CDH13: variants seen among roughly 807,000 people sequenced by gnomAD.
CDH13 encodes the protein cadherin-13.
A neutral mutation model predicts 63.8 loss-of-function variants in CDH13; 24 were observed. That is an observed-to-expected ratio of 0.38 (90% CI 0.27 to 0.53). CDH13 has a LOEUF of 0.53. CDH13 is among the 20% of genes least tolerant of loss of function. The pLI is 0.85. For synonymous variants in CDH13, 503 were observed against 355.3 expected, an observed-to-expected ratio of 1.42 and a Z score of -4.67; for missense variants, 1,049 against 903.1, an observed-to-expected ratio of 1.16 and a Z score of -2.07.
At chr16:82,810,165 G>T (rs2037370229) in intron 1 of CDH13, among the ~76,000 whole-genome samples, 1 of 152,212 alleles carries the variant, frequency 6.6e-6, no homozygotes, top group Non-Finnish European at 1.5e-5. Context: ...TTCTAAATGA[G>T]ATGTTATCCA....
At chr16:83,671,293 G>A (rs532607085) in intron 9 of CDH13, among the ~76,000 whole-genome samples, 2 of 152,260 alleles carry the variant, frequency 1.3e-5, no homozygotes, top group East Asian at 3.9e-4. Context: ...CTGTCACCTA[G>A]GCTGGGGTGC....
intron 8 of CDH13, among the ~76,000 whole-genome samples, chr16:83,623,343 T>C (rs1909985968): frequency 6.6e-6 from 1 of 152,152 alleles, no homozygotes; most frequent in Non-Finnish European, 1.5e-5. Context: ...TTGGGCCCTT[T>C]CAGCGCCTTG....
chr16:82,876,032 C>G lies in CDH13; in HGVS notation c.157+17559C>G, dbSNP rs115519519. Among the ~76,000 whole-genome samples, 923 of 152,326 alleles carry G rather than the reference C, an allele frequency of 6.1e-3. 6 individuals are homozygous for G. Among genetic ancestry groups the G allele is most frequent in the African/African-American group, 0.017 (721 of 41,570 alleles). On this transcript the variant is annotated intron_variant, in intron 2 of 13. Coordinates refer to ENST00000567109, the MANE Select transcript of CDH13 (RefSeq NM_001257.5). ...AGAGAATTTGTGCAGGGGAACTCCT[C>G]TTTTTAAAATCATCAGCTCTCATGA...
intron 7 of CDH13, among the ~76,000 whole-genome samples, chr16:83,489,639 C>T (rs1330608654): frequency 6.6e-6 from 1 of 152,150 alleles, no homozygotes; most frequent in Admixed American, 6.5e-5. Context: ...GCAATGTTTT[C>T]CTCCCATTGA....
intron 10 of CDH13, among the ~76,000 whole-genome samples, chr16:83,743,965 G>C (rs1434170707): frequency 6.6e-6 from 1 of 151,762 alleles, no homozygotes; most frequent in African/African-American, 2.4e-5. Context: ...CTACATTCCA[G>C]CTCTGTCTCT....
rs545461798 is a variant in CDH13 at position 83,796,383 on chromosome 16, A to G, written c.*1353A>G. 2 of 152,338 alleles carry G rather than the reference A, an allele frequency of 1.3e-5. No homozygotes were observed. Among genetic ancestry groups the G allele is most frequent in the East Asian group, 3.9e-4 (2 of 5,192 alleles). The allele number at this position is 152,338 out of a possible 1,614,324, so 9.4% of individuals were successfully genotyped here. ...TACTAAAGGTTTTAACCGCACATGC[A>G]CACACACACGCTTTCTTATGCAATC... On this transcript the variant is annotated 3_prime_UTR_variant, in exon 14 of 14. Transcript: ENST00000567109.
At position 82,950,013 on chromosome 16, in the gene CDH13, G is replaced by A. The variant is rs545321221; in HGVS notation, c.158-81997G>A. 3.3e-5 allele frequency among the ~76,000 whole-genome samples: 5 copies of A among 152,210 alleles called. No individual in the cohort carries two copies. The South Asian group carries it at 1.0e-3, about 32-fold the overall frequency. On this transcript the variant is annotated intron_variant, in intron 2 of 13. Coordinates refer to ENST00000567109, the MANE Select transcript of CDH13 (RefSeq NM_001257.5). ...TTAGTATCAAGCAGGTAAGAAAAGG[G>A]AAGAAAGAAGATTGTTGAGGTGTGT... is the stretch of plus-strand genomic sequence containing the variant.
chr16:83,442,221 A>G (rs1216513264), intron 6 of CDH13, among the ~76,000 whole-genome samples: 1 of 152,200 alleles, frequency 6.6e-6, no homozygotes, highest in Non-Finnish European at 1.5e-5. Context: ...CCTGGGCCTC[A>G]GTTACCTCAT....
intron 3 of CDH13, among the ~76,000 whole-genome samples, chr16:83,053,987 C>T (rs1351658804): frequency 6.6e-6 from 1 of 152,150 alleles, no homozygotes; most frequent in Admixed American, 6.5e-5. Flanking sequence ...CATATTTTTA[C>T]TGTACTTTTT....
intron 2 of CDH13, among the ~76,000 whole-genome samples, chr16:82,909,241 A>T (rs1299966896): frequency 7.5e-6 from 1 of 133,042 alleles, no homozygotes; most frequent in Non-Finnish European, 1.6e-5. Context: ...GAAACTGAGG[A>T]CTGACTGTAT....
At chr16:83,164,195 G>A (rs1052433582) in intron 4 of CDH13, among the ~76,000 whole-genome samples, 32 of 152,036 alleles carry the variant, frequency 2.1e-4, no homozygotes, top group African/African-American at 7.2e-4. Flanking sequence ...CTTATCATAG[G>A]TAATCCTCTG....
At chr16:83,046,013 G>A (rs1279597625) in intron 3 of CDH13, among the ~76,000 whole-genome samples, 2 of 152,220 alleles carry the variant, frequency 1.3e-5, no homozygotes, top group Non-Finnish European at 2.9e-5. Flanking sequence ...TTGCCAGGGT[G>A]GCATCTGCTG....
chr16:83,115,689 C>T (rs753139405), intron 3 of CDH13, among the ~76,000 whole-genome samples: 15 of 152,204 alleles, frequency 9.9e-5, no homozygotes, highest in South Asian at 2.1e-4. Context: ...GCCTGGAAGA[C>T]GTATTTCAGC....
At chr16:82,911,659 T>A (rs765818675) in intron 2 of CDH13, among the ~76,000 whole-genome samples, 7 of 152,146 alleles carry the variant, frequency 4.6e-5, no homozygotes, top group African/African-American at 9.7e-5. Flanking sequence ...GGAGCCTCAC[T>A]CAGACACCTT....
chr16:83,423,916 G>A (rs1272151683), intron 6 of CDH13, among the ~76,000 whole-genome samples: 4 of 152,196 alleles, frequency 2.6e-5, no homozygotes, highest in African/African-American at 9.7e-5. Context: ...CTGGGACGTG[G>A]CTGTACACTA....
intron 5 of CDH13, among the ~76,000 whole-genome samples, chr16:83,339,575 C>G (rs187420617): frequency 6.6e-6 from 1 of 152,080 alleles, no homozygotes; most frequent in Non-Finnish European, 1.5e-5. Context: ...AACCAGGATA[C>G]GGAGAGGTGC....
chr16:83,102,408 G>A (rs560672327), intron 3 of CDH13, among the ~76,000 whole-genome samples: 1 of 152,332 alleles, frequency 6.6e-6, no homozygotes, highest in South Asian at 2.1e-4. Flanking sequence ...TGCAGGCTCT[G>A]AAGTGGGGGT....
chr16:83,413,522 G>C (rs559045874), intron 6 of CDH13, among the ~76,000 whole-genome samples: 81 of 152,290 alleles, frequency 5.3e-4, no homozygotes, highest in Middle Eastern at 3.4e-3. Flanking sequence ...ATGCGGTAAT[G>C]TTCCCCAACT....
intron 1 of CDH13, among the ~76,000 whole-genome samples, chr16:82,700,317 C>T (rs570126980): frequency 2.0e-5 from 3 of 152,172 alleles, no homozygotes; most frequent in Non-Finnish European, 4.4e-5. Context: ...CATGAGAGAA[C>T]ACTTTAAAGA....
Sources: allele counts gnomAD v4.1 joint callset (sites outside exome capture counted in the v4.1 genomes callset), GRCh38; gene constraint gnomAD v4.1.1; transcripts MANE v1.5; gene names NCBI Gene and HGNC (gene_info 2026-07-23, HGNC 2026-07-21).